The following FRA10AC1 variants were observed in gnomAD, a reference collection of about 807,000 sequenced individuals.
The protein encoded by FRA10AC1 is protein FRA10AC1.
FRA10AC1 carries 43 observed loss-of-function variants against 56.5 expected under a neutral mutation model. The ratio of observed to expected loss-of-function variants is 0.76; its 90% CI spans 0.60 to 0.98. The LOEUF is 0.98. FRA10AC1 is among the 50% of genes least tolerant of loss of function. The pLI, the probability that FRA10AC1 is intolerant of heterozygous loss-of-function variation, is 0.00. For missense variants in FRA10AC1, 346 were observed against 351.8 expected (o/e 0.98, Z 0.13); for synonymous variants, 112 against 110.5 (o/e 1.01, Z -0.09).
chr10:93,692,640 A>G lies in FRA10AC1; in HGVS notation c.380+6T>C, dbSNP rs1377234759. The G allele has an allele frequency of 6.4e-7, 1 of 1,566,630 alleles. No homozygotes were observed. The highest frequency in any genetic ancestry group is 8.7e-7 in the Non-Finnish European group (1 of 1,146,868). On this transcript the variant is annotated splice_donor_region_variant and intron_variant, in intron 6 of 13. Coordinates refer to ENST00000359204, the MANE Select transcript of FRA10AC1 (RefSeq NM_145246.5). ...TTGATGCATTACGCCTCTGATGGCT[A>G]ATTACCAAGTCATGTCCATTTCGTC... is the stretch of plus-strand genomic sequence containing the variant.
intron 2 of FRA10AC1, among the ~76,000 whole-genome samples, chr10:93,699,394 G>A (rs1355880490): frequency 6.6e-6 from 1 of 152,098 alleles, no homozygotes; most frequent in South Asian, 2.1e-4. Flanking sequence ...AGTTTGGTTA[G>A]TATACATCAG....
Position 93,668,631 on chromosome 10 carries a change from A to G in FRA10AC1, c.*1195T>C, listed in dbSNP as rs12573791. 62,677 of 154,644 alleles carry G rather than the reference A, an allele frequency of 0.41. 14,851 individuals are homozygous for G. Among genetic ancestry groups the G allele is most frequent in the Non-Finnish European group, 0.52 (36,388 of 70,052 alleles). The allele number at this position is 154,644 out of a possible 1,614,324, so 9.6% of individuals were successfully genotyped here. ...TCCACATGGCTGGGAAAGCCTCAGAATCATGGTGGGAGGCAAAAGGCACTT... is the reference window on the plus strand; with the variant it reads ...TCCACATGGCTGGGAAAGCCTCAGAGTCATGGTGGGAGGCAAAAGGCACTT... On this transcript the variant is annotated 3_prime_UTR_variant, in exon 14 of 14. Transcript: ENST00000359204.
At chr10:93,673,631 A>T (rs1297435667) in intron 12 of FRA10AC1, 2 of 353,082 alleles carry the variant, frequency 5.7e-6, no homozygotes, top group Non-Finnish European at 1.1e-5. Flanking sequence ...ATTTTTATAG[A>T]CTTAACTTTT....
At chr10:93,699,465 T>C (rs965512746) in intron 2 of FRA10AC1, among the ~76,000 whole-genome samples, 1 of 152,158 alleles carries the variant, frequency 6.6e-6, no homozygotes, top group Non-Finnish European at 1.5e-5. Flanking sequence ...CTAAGAACAA[T>C]GCTCCTACGC....
At chr10:93,685,158 A>T (rs1260204716) in intron 9 of FRA10AC1, 88 bp downstream of exon 9, 19 of 694,120 alleles carry the variant, frequency 2.7e-5, no homozygotes, top group Non-Finnish European at 7.5e-6. Flanking sequence ...ATATGTTAAA[A>T]ATTGCATTTG....
chr10:93,669,602 T>C lies in FRA10AC1; in HGVS notation c.*224A>G, dbSNP rs962810460. ...AGGAGCTACAAATAAAACAGAATTG[T>C]AGATAAGCAATTGAAAAGATATTTA... On this transcript the variant is annotated 3_prime_UTR_variant, in exon 14 of 14. Transcript: ENST00000359204. 1 of 516,312 alleles carries C rather than the reference T, an allele frequency of 1.9e-6. No individual in the cohort carries two copies. Among genetic ancestry groups the C allele is most frequent in the East Asian group, 3.4e-5 (1 of 29,562 alleles). The allele number at this position is 516,312 out of a possible 1,614,324, so 32.0% of individuals were successfully genotyped here.
rs781170792 is a variant in FRA10AC1 at position 93,694,868 on chromosome 10, G to A, written c.289C>T (p.Arg97Cys). ...YYGGKKEDFK[R>C]LGENDKTDLD... ...AAACTTCCTGATACTTACCCCAAAC[G>A]CTTGAAGTCTTCTTTTTTGCCACCA... The change falls in exon 5 of 14, where the codon CGT becomes TGT. Residue 97 changes from arginine (R) to cysteine (C), a missense_variant. Coordinates refer to ENST00000359204, the MANE Select transcript of FRA10AC1 (RefSeq NM_145246.5). 18 of 1,580,498 alleles carry A rather than the reference G, an allele frequency of 1.1e-5. No homozygotes were observed. Among genetic ancestry groups the A allele is most frequent in the Admixed American group, 8.4e-5 (5 of 59,786 alleles).
Position 93,671,247 on chromosome 10 carries a change from T to C in FRA10AC1, c.827-399A>G, listed in dbSNP as rs565759387. On this transcript the variant is annotated intron_variant, in intron 12 of 13. Transcript: ENST00000359204. ...TGTAGAGAACATGTTTACATTAGGA[T>C]TAGTACCTTAAGAACTGAGCTAGTA... 2.4e-5 allele frequency: 4 copies of C among 165,592 alleles called. No individual in the cohort carries two copies. The South Asian group carries it at 4.7e-4, about 20-fold the overall frequency. 10.3% of individuals were successfully genotyped at this position (165,592 alleles called of 1,614,324 possible).
chr10:93,695,151 T>C (rs1252237364), intron 4 of FRA10AC1, among the ~76,000 whole-genome samples: 1 of 152,172 alleles, frequency 6.6e-6, no homozygotes, highest in Non-Finnish European at 1.5e-5. Flanking sequence ...TTCTTTTGAC[T>C]ATTTTTCAAG....
intron 13 of FRA10AC1, among the ~76,000 whole-genome samples, chr10:93,670,451 T>C (rs2058742855): frequency 6.6e-6 from 1 of 152,126 alleles, no homozygotes; most frequent in South Asian, 2.1e-4. Flanking sequence ...TTCCCTTGCA[T>C]AGGTTTATGA....
intron 4 of FRA10AC1, among the ~76,000 whole-genome samples, chr10:93,697,566 A>G (rs1268215637): frequency 6.6e-6 from 1 of 152,198 alleles, no homozygotes; most frequent in South Asian, 2.1e-4. Context: ...GTCATCAGCC[A>G]GTCTTATTAA....
chr10:93,678,206 T>C (rs1564813267), intron 11 of FRA10AC1, among the ~76,000 whole-genome samples: 1 of 152,192 alleles, frequency 6.6e-6, no homozygotes, highest in Non-Finnish European at 1.5e-5. Context: ...ATGACGTAGC[T>C]TTTGGGAAAG....
chr10:93,682,107 T>C (rs558650722), intron 10 of FRA10AC1, among the ~76,000 whole-genome samples: 1 of 152,334 alleles, frequency 6.6e-6, no homozygotes, highest in Admixed American at 6.5e-5. Flanking sequence ...TTAATTCATA[T>C]ATCAACATCA....
chr10:93,677,556 A>T (rs931088522), intron 11 of FRA10AC1, among the ~76,000 whole-genome samples: 1 of 152,224 alleles, frequency 6.6e-6, no homozygotes, highest in Non-Finnish European at 1.5e-5. Flanking sequence ...CCAAGAACAT[A>T]ATTAGAACCA....
At chr10:93,699,641 C>G (rs2059296032) in intron 2 of FRA10AC1, among the ~76,000 whole-genome samples, 1 of 152,300 alleles carries the variant, frequency 6.6e-6, no homozygotes, top group Non-Finnish European at 1.5e-5. Context: ...CTTTCATCCT[C>G]CATATTAACT....
intron 1 of FRA10AC1, among the ~76,000 whole-genome samples, chr10:93,701,966 TAA>T (rs936597986): frequency 2.0e-5 from 3 of 152,128 alleles, no homozygotes; most frequent in African/African-American, 4.8e-5. Flanking sequence ...GAATGGAGAT[TAA>T]AAGAGTTGCC....
intron 7 of FRA10AC1, among the ~76,000 whole-genome samples, chr10:93,690,479 T>C (rs1032152777): frequency 6.6e-6 from 1 of 152,130 alleles, no homozygotes; most frequent in African/African-American, 2.4e-5. Flanking sequence ...TTTTCTCCCC[T>C]CAACTAGACT....
At chr10:93,698,493 A>C in intron 2 of FRA10AC1, 97 bp from the exon 3 acceptor site, 2 of 663,140 alleles carry the variant, frequency 3.0e-6, no homozygotes, top group Non-Finnish European at 5.0e-6. Context: ...AAAGAATGTA[A>C]GTCTTAACTT....
At chr10:93,693,515 A>ATGG (rs2059166538) in intron 5 of FRA10AC1, among the ~76,000 whole-genome samples, 4 of 38,312 alleles carry the variant, frequency 1.0e-4, no homozygotes, top group African/African-American at 4.9e-4. Flanking sequence ...TATACACCAT[A>ATGG]TATATATATA....
Sources: allele counts gnomAD v4.1 joint callset (sites outside exome capture counted in the v4.1 genomes callset), GRCh38; gene constraint gnomAD v4.1.1; transcripts MANE v1.5; gene names NCBI Gene and HGNC (gene_info 2026-07-23, HGNC 2026-07-21).